Variants in PPARGC1B observed in about 807,000 individuals in gnomAD.
The protein encoded by PPARGC1B is peroxisome proliferator-activated receptor gamma coactivator 1-beta.
In PPARGC1B, 34 loss-of-function variants were observed where a neutral mutation model predicts 101.6. That is an observed-to-expected ratio of 0.33 (90% CI 0.25 to 0.45). The LOEUF (loss-of-function observed/expected upper bound fraction) is 0.45, where lower values mean the gene tolerates loss of function less well. Among genes scored for constraint, PPARGC1B ranks in the 20% least tolerant of loss-of-function variants. PPARGC1B has a pLI of 1.00. For synonymous variants in PPARGC1B, 548 were observed against 539.3 expected (o/e 1.02, Z -0.22); for missense variants, 1,234 against 1,317.6 (o/e 0.94, Z 0.98).
rs916576300 is a variant in PPARGC1B at position 149,837,918 on chromosome 5, C to T, written c.2618+845C>T. 1.8e-4 allele frequency among the ~76,000 whole-genome samples: 28 copies of T among 152,022 alleles called. No individual in the cohort carries two copies. Among genetic ancestry groups the T allele is most frequent in the Non-Finnish European group, 3.8e-4 (26 of 68,024 alleles). ...GCCGAATCCGCTGCAGGATTTGTTG[C>T]GCCTCCACTGGCCGGCCCACACCCG... is the stretch of plus-strand genomic sequence containing the variant. On this transcript the variant is annotated intron_variant, in intron 8 of 11. Transcript: ENST00000309241. The surrounding 1 kb of genome is among the most constrained non-coding windows in gnomAD (Gnocchi z 4.2).
Position 149,761,223 on chromosome 5 carries a change from A to G in PPARGC1B, c.78+30803A>G, listed in dbSNP as rs144578002. ...AGCTAATTAACATATCCAACACCTC[A>G]CACAGTTATCTTTGTGTGTGTGTGC... On this transcript the variant is annotated intron_variant, in intron 1 of 11. Transcript: ENST00000309241. Among the ~76,000 whole-genome samples, 979 of 152,204 alleles carry G rather than the reference A, an allele frequency of 6.4e-3. 7 individuals are homozygous for G. The highest frequency in any genetic ancestry group is 0.023 in the African/African-American group (945 of 41,522).
At chr5:149,752,368 G>T (rs1755342944) in intron 1 of PPARGC1B, among the ~76,000 whole-genome samples, 1 of 152,190 alleles carries the variant, frequency 6.6e-6, no homozygotes, top group Admixed American at 6.5e-5. Context: ...CAGAACCAAG[G>T]GGAAGAGATT....
chr5:149,841,695 C>T (rs568742748), intron 9 of PPARGC1B, among the ~76,000 whole-genome samples: 1 of 152,298 alleles, frequency 6.6e-6, no homozygotes, highest in East Asian at 1.9e-4. Flanking sequence ...TCTGGACTTT[C>T]TCCCACCCCT....
At chr5:149,776,492 A>C (rs139076210) in intron 1 of PPARGC1B, among the ~76,000 whole-genome samples, 1 of 152,324 alleles carries the variant, frequency 6.6e-6, no homozygotes, top group Non-Finnish European at 1.5e-5. Context: ...CAGATCTCCA[A>C]GTCAAATCAT....
chr5:149,817,538 A>G, intron 1 of PPARGC1B: 1 of 347,616 alleles, frequency 2.9e-6, no homozygotes, highest in South Asian at 2.2e-5. Flanking sequence ...CCATCAGTGC[A>G]CCTTGTTTGT....
chr5:149,777,345 G>C (rs1447396552), intron 1 of PPARGC1B, among the ~76,000 whole-genome samples: 1 of 152,188 alleles, frequency 6.6e-6, no homozygotes, highest in Non-Finnish European at 1.5e-5. Context: ...CGGTTGCTGA[G>C]CTCTCTGTCT....
Position 149,853,422 on chromosome 5 carries a change from T to C in PPARGC1B, c.*5864T>C, listed in dbSNP as rs1759838935. On this transcript the variant is annotated 3_prime_UTR_variant, in exon 12 of 12. Transcript: ENST00000309241. This position sits in a 1 kb window ranked among gnomAD's most constrained non-coding sequence, Gnocchi z 4.2. ...ACTGAGAAATGCACTAGCTGTCCTGTGGGCAGAAGAGACAGGAGTGGACCA... is the reference window on the plus strand; with the variant it reads ...ACTGAGAAATGCACTAGCTGTCCTGCGGGCAGAAGAGACAGGAGTGGACCA... 6.6e-6 allele frequency: 1 copy of C among 152,248 alleles called. No individual in the cohort carries two copies. Among genetic ancestry groups the C allele is most frequent in the Non-Finnish European group, 1.5e-5 (1 of 68,070 alleles). The allele number at this position is 152,248 out of a possible 1,614,324, so 9.4% of individuals were successfully genotyped here. A position where few individuals can be genotyped will look rare whatever the true frequency, so the allele number is the denominator to read the frequency against.
chr5:149,764,164 GATA>G (rs1755821580), intron 1 of PPARGC1B, among the ~76,000 whole-genome samples: 1 of 120,022 alleles, frequency 8.3e-6, no homozygotes, highest in Non-Finnish European at 2.0e-5. Flanking sequence ...TCTTTATATA[GATA>G]GAGAAACTGA....
At chr5:149,821,139 T>C (rs1022600275) in intron 2 of PPARGC1B, among the ~76,000 whole-genome samples, 7 of 152,204 alleles carry the variant, frequency 4.6e-5, no homozygotes, top group Non-Finnish European at 1.0e-4. Flanking sequence ...GAGCAGCTGT[T>C]CTGTGGGAGA....
chr5:149,786,795 G>A (rs1756827662), intron 1 of PPARGC1B, among the ~76,000 whole-genome samples: 1 of 152,220 alleles, frequency 6.6e-6, no homozygotes. Context: ...AAATGAGTAA[G>A]TGAATTAATA....
At chr5:149,823,997 C>T (rs1222103068) in intron 2 of PPARGC1B, among the ~76,000 whole-genome samples, 4 of 152,124 alleles carry the variant, frequency 2.6e-5, no homozygotes, top group African/African-American at 7.2e-5. Context: ...CCTGCCACCA[C>T]GCCCCCCAAA....
At chr5:149,770,755 C>T (rs1274150969) in intron 1 of PPARGC1B, among the ~76,000 whole-genome samples, 4 of 151,568 alleles carry the variant, frequency 2.6e-5, no homozygotes, top group Non-Finnish European at 5.9e-5. Flanking sequence ...ACTCTTGAGC[C>T]CAGGAGTTCG....
intron 1 of PPARGC1B, among the ~76,000 whole-genome samples, chr5:149,754,485 A>G (rs1435718796): frequency 6.6e-6 from 1 of 152,220 alleles, no homozygotes; most frequent in African/African-American, 2.4e-5. Flanking sequence ...GGGATGTTGG[A>G]TAGATAGATA....
At chr5:149,783,046 G>C (rs191654054) in intron 1 of PPARGC1B, among the ~76,000 whole-genome samples, 36 of 151,992 alleles carry the variant, frequency 2.4e-4, no homozygotes, top group African/African-American at 8.5e-4. Flanking sequence ...GTGGGCAGTG[G>C]AACTCCTGGG....
At chr5:149,767,637 A>G (rs1016094635) in intron 1 of PPARGC1B, among the ~76,000 whole-genome samples, 2 of 152,230 alleles carry the variant, frequency 1.3e-5, no homozygotes, top group African/African-American at 4.8e-5. Context: ...TGGAAAATAC[A>G]GTATCTATTC....
At chr5:149,781,204 C>CAAAA (rs35016517) in intron 1 of PPARGC1B, among the ~76,000 whole-genome samples, 21 of 121,666 alleles carry the variant, frequency 1.7e-4, no homozygotes, top group African/African-American at 6.3e-4. Context: ...GACTTCATCT[C>CAAAA]AAAAAAAAAA....
At chr5:149,751,175 C>T (rs1162914353) in intron 1 of PPARGC1B, among the ~76,000 whole-genome samples, 1 of 152,106 alleles carries the variant, frequency 6.6e-6, no homozygotes, top group Non-Finnish European at 1.5e-5. Flanking sequence ...GTATTAGGGA[C>T]TAATTTGTCA....
intron 1 of PPARGC1B, among the ~76,000 whole-genome samples, chr5:149,790,547 G>C (rs998104466): frequency 6.6e-6 from 1 of 152,152 alleles, no homozygotes; most frequent in Non-Finnish European, 1.5e-5. Context: ...GGCCTTTGAG[G>C]CTTAAAATAT....
In PPARGC1B at chr5:149,836,951, T is replaced by C. The variant is rs770704414; in HGVS notation, c.2496T>C (p.Ser832=). 3 of 1,614,056 alleles carry C rather than the reference T, an allele frequency of 1.9e-6. No homozygotes were observed. ...EEDSGVSPTC[S]DHCPYQSPPS... is the part of the protein sequence containing the mutation. Reference sequence around the variant, plus strand: ...ACTCAGGGGTCAGCCCCACTTGCTCTGACCACTGCCCCTACCAGAGCCCAC... The same window carrying C: ...ACTCAGGGGTCAGCCCCACTTGCTCCGACCACTGCCCCTACCAGAGCCCAC... Residue 832 remains serine, a synonymous_variant, in exon 8 of 12, where the codon TCT becomes TCC. Transcript: ENST00000309241.
Sources: gnomAD v4.1 joint callset for allele counts (sites outside exome capture counted in the v4.1 genomes callset) on GRCh38, gnomAD v4.1.1 for gene constraint, Gnocchi (gnomAD v3.1) non-coding constraint, MANE v1.5 for transcripts, NCBI Gene and HGNC (gene_info 2026-07-23, HGNC 2026-07-21) for gene names.